The following ARHGAP15 variants were observed in gnomAD, a reference collection of about 807,000 sequenced individuals.
ARHGAP15 encodes Rho GTPase activating protein 15, also known as rho GTPase-activating protein 15.
A neutral mutation model predicts 63.7 loss-of-function variants in ARHGAP15; 51 were observed. The observed-to-expected ratio is 0.80, with a 90% CI of 0.64 to 1.01. ARHGAP15 has a LOEUF of 1.01. Ranked by LOEUF, ARHGAP15 falls within the 50% of genes least tolerant of loss-of-function variation. The pLI, the probability that ARHGAP15 is intolerant of heterozygous loss-of-function variation, is 0.00. For synonymous variants in ARHGAP15, 191 were observed against 193.8 expected (o/e 0.99, Z 0.12); for missense variants, 560 against 564.6 (o/e 0.99, Z 0.08).
At chr2:143,379,508 T>G (rs1229178145) in intron 6 of ARHGAP15, among the ~76,000 whole-genome samples, 1 of 150,892 alleles carries the variant, frequency 6.6e-6, no homozygotes, top group Non-Finnish European at 1.5e-5. Context: ...TGTGTGTGTG[T>G]GTGTGTGTGT....
intron 13 of ARHGAP15, among the ~76,000 whole-genome samples, chr2:143,736,508 C>G (rs1486370267): frequency 1.3e-5 from 2 of 152,066 alleles, no homozygotes; most frequent in Non-Finnish European, 2.9e-5. Context: ...AATCCCAGCT[C>G]TTTTACTTAC....
intron 6 of ARHGAP15, among the ~76,000 whole-genome samples, chr2:143,256,018 T>C (rs1269644894): frequency 1.3e-5 from 2 of 152,152 alleles, no homozygotes; most frequent in African/African-American, 2.4e-5. Flanking sequence ...CAATTTGGGC[T>C]ATGTCAGTTG....
chr2:143,390,190 C>A (rs1318425342), intron 6 of ARHGAP15, among the ~76,000 whole-genome samples: 1 of 152,118 alleles, frequency 6.6e-6, no homozygotes. Context: ...TCATCAAAAA[C>A]CACTTTCCCT....
chr2:143,546,095 A>G (rs1306071742), intron 10 of ARHGAP15, among the ~76,000 whole-genome samples: 1 of 152,196 alleles, frequency 6.6e-6, no homozygotes, highest in African/African-American at 2.4e-5. Context: ...ACTGTGATTC[A>G]AGCCAAGCCA....
chr2:143,631,699 G>A (rs1559091188), intron 12 of ARHGAP15, among the ~76,000 whole-genome samples: 1 of 151,980 alleles, frequency 6.6e-6, no homozygotes, highest in Non-Finnish European at 1.5e-5. Context: ...TATTCTTAAT[G>A]TTAGTTCTTT....
intron 6 of ARHGAP15, among the ~76,000 whole-genome samples, chr2:143,318,949 G>A (rs535563164): frequency 3.9e-5 from 6 of 152,114 alleles, no homozygotes; most frequent in Admixed American, 2.6e-4. Context: ...AAACTCCCGC[G>A]CAAATATCTT....
At chr2:143,287,992 A>C (rs1476400681) in intron 6 of ARHGAP15, among the ~76,000 whole-genome samples, 2 of 152,160 alleles carry the variant, frequency 1.3e-5, no homozygotes, top group Non-Finnish European at 2.9e-5. Context: ...TCATACTTTG[A>C]AAAGTTATCT....
chr2:143,308,760 T>G (rs1399646324), intron 6 of ARHGAP15, among the ~76,000 whole-genome samples: 1 of 151,958 alleles, frequency 6.6e-6, no homozygotes, highest in Non-Finnish European at 1.5e-5. Flanking sequence ...ATGACACAAG[T>G]AAGACTACCT....
At chr2:143,475,527 C>T (rs936810883) in intron 8 of ARHGAP15, among the ~76,000 whole-genome samples, 4 of 152,226 alleles carry the variant, frequency 2.6e-5, no homozygotes, top group African/African-American at 9.6e-5. Flanking sequence ...TCCGGATATT[C>T]GATGTCCTGA....
intron 4 of ARHGAP15, chr2:143,227,959 C>G (rs965830840): frequency 6.6e-6 from 1 of 152,124 alleles, no homozygotes; most frequent in Non-Finnish European, 1.5e-5. Context: ...TGCATTCCCA[C>G]CAATAGTGTA....
At position 143,664,187 on chromosome 2, in the gene ARHGAP15, C is replaced by T. The variant is rs555505754; in HGVS notation, c.1139-39232C>T. On this transcript the variant is annotated intron_variant, in intron 12 of 13. Coordinates refer to ENST00000295095, the MANE Select transcript of ARHGAP15 (RefSeq NM_018460.4). ...TGGAAGTAAAGCTCTCCTCAGCAAA[C>T]GTAAAAGAACAGAGATTACAACAAA... 2.2e-3 allele frequency among the ~76,000 whole-genome samples: 338 copies of T among 152,126 alleles called. 1 individual carries two copies. The highest frequency in any genetic ancestry group is 0.01 in the Middle Eastern group (3 of 294).
At chr2:143,370,168 T>C (rs185681115) in intron 6 of ARHGAP15, among the ~76,000 whole-genome samples, 20 of 152,304 alleles carry the variant, frequency 1.3e-4, no homozygotes, top group Admixed American at 2.0e-4. Context: ...ACAGGACTTA[T>C]GCAAGCATAC....
At chr2:143,677,118 T>C (rs1441311562) in intron 12 of ARHGAP15, among the ~76,000 whole-genome samples, 1 of 152,242 alleles carries the variant, frequency 6.6e-6, no homozygotes, top group Non-Finnish European at 1.5e-5. Flanking sequence ...CTCATCCCAT[T>C]CATTGTGAAT....
rs777945432 is a variant in ARHGAP15, at chr2:143,617,931, T to C, written c.1004-6202T>C. 8.7e-4 allele frequency among the ~76,000 whole-genome samples: 132 copies of C among 152,306 alleles called. No individual in the cohort carries two copies. The Middle Eastern group carries it at 0.01, about 12-fold the overall frequency. On this transcript the variant is annotated intron_variant, in intron 11 of 13. Coordinates refer to ENST00000295095, the MANE Select transcript of ARHGAP15 (RefSeq NM_018460.4). ...AGTATGTAGTCTCCTTCCATCTCTG[T>C]TTGTTTGAAAACAATTAAGTGAACA...
chr2:143,738,328 C>T (rs956418244), intron 13 of ARHGAP15, among the ~76,000 whole-genome samples: 12 of 152,138 alleles, frequency 7.9e-5, no homozygotes, highest in Non-Finnish European at 1.5e-4. Flanking sequence ...ATATGCCTTT[C>T]ACTAGTAGTC....
chr2:143,350,824 G>GC (rs1354790175), intron 6 of ARHGAP15: 1 of 114,746 alleles, frequency 8.7e-6, no homozygotes, highest in African/African-American at 3.4e-5. Context: ...CGATGACAGA[G>GC]CGAGACTCAG....
chr2:143,426,504 G>A (rs749435824), intron 6 of ARHGAP15, among the ~76,000 whole-genome samples: 8 of 152,070 alleles, frequency 5.3e-5, no homozygotes, highest in Non-Finnish European at 8.8e-5. Flanking sequence ...GCTATGCTGC[G>A]AACCGTAGCC....
At chr2:143,187,001 CAG>C (rs1466198444) in intron 2 of ARHGAP15, among the ~76,000 whole-genome samples, 2 of 151,994 alleles carry the variant, frequency 1.3e-5, no homozygotes, top group Non-Finnish European at 2.9e-5. Flanking sequence ...TGTCTGTAAA[CAG>C]TGGAAATACG....
intron 6 of ARHGAP15, among the ~76,000 whole-genome samples, chr2:143,256,473 C>G (rs1358424592): frequency 6.6e-6 from 1 of 151,866 alleles, no homozygotes; most frequent in Admixed American, 6.6e-5. Flanking sequence ...ATGTAATATC[C>G]AATTAATTAA....
Sources: allele counts gnomAD v4.1 joint callset (sites outside exome capture counted in the v4.1 genomes callset), GRCh38; gene constraint gnomAD v4.1.1; transcripts MANE v1.5; gene names NCBI Gene and HGNC (gene_info 2026-07-23, HGNC 2026-07-21).